The following DENND1A variants were observed in gnomAD, a reference collection of about 807,000 sequenced individuals.
DENND1A encodes DENN domain containing 1A.
In DENND1A, 51 loss-of-function variants were observed where a neutral mutation model predicts 113.7. That is an observed-to-expected ratio of 0.45 (90% CI 0.36 to 0.57). The LOEUF is 0.57. DENND1A is among the 20% of genes least tolerant of loss of function. The pLI is 0.00. For missense variants in DENND1A, 1,258 were observed against 1,395.9 expected (o/e 0.90, Z 1.57); for synonymous variants, 565 against 570.8 (o/e 0.99, Z 0.14).
At chr9:123,616,222 G>T (rs1361965128) in intron 10 of DENND1A, among the ~76,000 whole-genome samples, 1 of 152,174 alleles carries the variant, frequency 6.6e-6, no homozygotes, top group African/African-American at 2.4e-5. Context: ...GAGCCACTGT[G>T]CCTGGCCATT....
chr9:123,655,682 C>G (rs954140018), intron 8 of DENND1A, among the ~76,000 whole-genome samples: 3 of 152,142 alleles, frequency 2.0e-5, no homozygotes, highest in Admixed American at 6.6e-5. Flanking sequence ...ACAGCCAGGC[C>G]AAGCATATTT....
chr9:123,865,450 T>C (rs893437120), intron 2 of DENND1A, among the ~76,000 whole-genome samples: 6 of 151,480 alleles, frequency 4.0e-5, no homozygotes, highest in Non-Finnish European at 7.4e-5. Flanking sequence ...CCCAAGGCCC[T>C]GGGCCTGGAA....
At chr9:123,778,865 G>T (rs1220478956) in intron 3 of DENND1A, among the ~76,000 whole-genome samples, 1 of 152,152 alleles carries the variant, frequency 6.6e-6, no homozygotes, top group African/African-American at 2.4e-5. Context: ...GCCAATGCCA[G>T]TCATGTTGGT....
chr9:123,910,835 T>C (rs1260108626), intron 1 of DENND1A, among the ~76,000 whole-genome samples: 2 of 152,002 alleles, frequency 1.3e-5, no homozygotes, highest in Admixed American at 6.6e-5. Flanking sequence ...AGCTACTCAG[T>C]AGGAGGTTGA....
At chr9:123,486,720 A>C (rs148920322) in intron 13 of DENND1A, among the ~76,000 whole-genome samples, 3 of 152,208 alleles carry the variant, frequency 2.0e-5, no homozygotes, top group East Asian at 3.9e-4. Flanking sequence ...CCTGATATCC[A>C]ACTCCTCACC....
At chr9:123,703,308 GT>G (rs1490854439) in intron 5 of DENND1A, among the ~76,000 whole-genome samples, 1 of 152,158 alleles carries the variant, frequency 6.6e-6, no homozygotes, top group Non-Finnish European at 1.5e-5. Context: ...AGGGATATAC[GT>G]TATAAAAAGA....
At position 123,384,030 on chromosome 9, in the gene DENND1A, GGA is replaced by G. The variant is rs1045859631; in HGVS notation, c.1761-119_1761-118del. 9 of 1,369,344 alleles carry G rather than the reference GGA, an allele frequency of 6.6e-6. No homozygotes were observed. In the African/African-American group the frequency reaches 1.1e-4, roughly 17 times the overall value. 84.8% of individuals were successfully genotyped at this position (1,369,344 alleles called of 1,614,324 possible). ...GGTGCACGCAGGGGCCTGCGGGACA[GGA>G]GAGTGTCCCGGGGTCTCCGTGAGGG... On this transcript the variant is annotated intron_variant, in intron 22 of 23. Coordinates refer to ENST00000394215, the MANE Select transcript of DENND1A (RefSeq NM_001352964.2).
chr9:123,774,631 G>A (rs755678287), intron 3 of DENND1A, among the ~76,000 whole-genome samples: 14 of 151,930 alleles, frequency 9.2e-5, no homozygotes, highest in Non-Finnish European at 1.8e-4. Context: ...CATAAAAGCC[G>A]GGTCAAATTT....
Position 123,509,517 on chromosome 9 carries a change from C to T in DENND1A, c.993+48053G>A, listed in dbSNP as rs182725044. On this transcript the variant is annotated intron_variant, in intron 13 of 23. Transcript: ENST00000394215. ...CTTGCACCATCTTCCTTTATGGCCTCGTTTTTGAGCCTTCTCTCTGGGTCA... is the reference window on the plus strand; with the variant it reads ...CTTGCACCATCTTCCTTTATGGCCTTGTTTTTGAGCCTTCTCTCTGGGTCA... Among the ~76,000 whole-genome samples the T allele has an allele frequency of 3.9e-4, 59 of 152,326 alleles. 1 individual carries two copies. The East Asian group carries it at 0.011, about 27-fold the overall frequency.
In DENND1A at chr9:123,764,774, T is replaced by C. The variant is rs950472694; in HGVS notation, c.182+4740A>G. Among the ~76,000 whole-genome samples, 1 of 152,140 alleles carries C rather than the reference T, an allele frequency of 6.6e-6. No individual in the cohort carries two copies. The highest frequency in any genetic ancestry group is 1.5e-5 in the Non-Finnish European group (1 of 68,030). ...GAATCCAATTCCCTCATTTTATCCA[T>C]GAAAAAATGAAGAACCTCAGGGGAG... On this transcript the variant is annotated intron_variant, in intron 4 of 23. Transcript: ENST00000394215. The surrounding 1 kb of genome is among the most constrained non-coding windows in gnomAD (Gnocchi z 4.1).
intron 23 of DENND1A, among the ~76,000 whole-genome samples, chr9:123,383,373 C>T (rs757226642): frequency 1.3e-5 from 2 of 152,162 alleles, no homozygotes; most frequent in Non-Finnish European, 2.9e-5. Context: ...CCTGGGGGTG[C>T]GAGGAGAGTG....
intron 10 of DENND1A, among the ~76,000 whole-genome samples, chr9:123,620,083 G>C (rs947019506): frequency 1.3e-5 from 2 of 151,562 alleles, no homozygotes; most frequent in Non-Finnish European, 2.9e-5. Flanking sequence ...GTGTGGTGGC[G>C]CATATCTGTA....
At chr9:123,710,853 A>T (rs991582713) in intron 5 of DENND1A, among the ~76,000 whole-genome samples, 3 of 151,886 alleles carry the variant, frequency 2.0e-5, no homozygotes, top group Non-Finnish European at 4.4e-5. Context: ...TTGTATTTTT[A>T]GTAGAGACAG....
At chr9:123,426,646 A>C (rs2131963457) in intron 19 of DENND1A, among the ~76,000 whole-genome samples, 1 of 152,310 alleles carries the variant, frequency 6.6e-6, no homozygotes, top group Non-Finnish European at 1.5e-5. Flanking sequence ...TGGACTCTAC[A>C]GGGCAATCAG....
At chr9:123,435,201 G>A (rs2046429007) in intron 19 of DENND1A, among the ~76,000 whole-genome samples, 1 of 152,202 alleles carries the variant, frequency 6.6e-6, no homozygotes, top group African/African-American at 2.4e-5. Context: ...GGAATTGCAT[G>A]TGGCTTCCAA....
At position 123,906,120 on chromosome 9, in the gene DENND1A, C is replaced by T. The variant is rs904143342; in HGVS notation, c.17+23769G>A. ...TCCTGAATGACTACTGGATACATAA[C>T]GCAATGAAGGCAGAAATAAAGATGT... On this transcript the variant is annotated intron_variant, in intron 1 of 23. Transcript: ENST00000394215. Among the ~76,000 whole-genome samples, 124 of 152,070 alleles carry T rather than the reference C, an allele frequency of 8.2e-4. 5 individuals carry two copies. Among genetic ancestry groups the T allele is most frequent in the Admixed American group, 7.8e-3 (119 of 15,262 alleles).
At chr9:123,678,318 G>A (rs1477860141) in intron 5 of DENND1A, among the ~76,000 whole-genome samples, 4 of 152,166 alleles carry the variant, frequency 2.6e-5, no homozygotes, top group South Asian at 2.1e-4. Context: ...AAGGGTGCAC[G>A]CATCCTATGG....
intron 2 of DENND1A, among the ~76,000 whole-genome samples, chr9:123,834,241 T>G (rs144739164): frequency 1.3e-5 from 2 of 152,320 alleles, no homozygotes; most frequent in East Asian, 1.9e-4. Context: ...GTTAATTTAT[T>G]CAACACATAA....
intron 10 of DENND1A, among the ~76,000 whole-genome samples, chr9:123,613,117 A>C (rs923372632): frequency 4.1e-4 from 62 of 152,176 alleles, no homozygotes; most frequent in African/African-American, 1.4e-3. Flanking sequence ...CTGACTCCCA[A>C]GCACACTCTT....
Sources: allele counts gnomAD v4.1 joint callset (sites outside exome capture counted in the v4.1 genomes callset), GRCh38; gene constraint gnomAD v4.1.1; non-coding constraint Gnocchi (gnomAD v3.1); transcripts MANE v1.5; gene names NCBI Gene and HGNC (gene_info 2026-07-23, HGNC 2026-07-21).